PLOD2: variants seen among roughly 807,000 people sequenced by gnomAD.
The protein encoded by PLOD2 is procollagen-lysine,2-oxoglutarate 5-dioxygenase 2.
PLOD2 carries 65 observed loss-of-function variants against 101.0 expected under a neutral mutation model. That is an observed-to-expected ratio of 0.64 (90% CI 0.53 to 0.79). The LOEUF (loss-of-function observed/expected upper bound fraction) is 0.79. PLOD2 is among the 30% of genes least tolerant of loss of function. The pLI is 0.00. For synonymous variants in PLOD2, 314 were observed against 302.9 expected, an observed-to-expected ratio of 1.04 and a Z score of -0.38; for missense variants, 909 against 914.6, an observed-to-expected ratio of 0.99 and a Z score of 0.08.
In PLOD2 at chr3:146,096,889, GGA is replaced by G. The variant is rs1381846394; in HGVS notation, c.778-4990_778-4989del. Among the ~76,000 whole-genome samples, 1,148 of 122,268 alleles carry G rather than the reference GGA, an allele frequency of 9.4e-3. 158 individuals are homozygous for G. Among genetic ancestry groups the G allele is most frequent in the African/African-American group, 0.035 (1,048 of 29,954 alleles). The allele number at this position is 122,268 out of a possible 152,430, so 80.2% of individuals were successfully genotyped here. A position where few individuals can be genotyped will look rare whatever the true frequency, so the allele number is the denominator to read the frequency against. On this transcript the variant is annotated intron_variant, in intron 7 of 19. Transcript: ENST00000282903. ...CCGTCCGGGAGGGAGGTGGGGGGGGGGAGTCGGCCAGCCGCCCCGTCCAGGAG... is the reference window on the plus strand; with the variant it reads ...CCGTCCGGGAGGGAGGTGGGGGGGGGGTCGGCCAGCCGCCCCGTCCAGGAG...
chr3:146,116,295 A>C (rs1937903658), intron 3 of PLOD2, among the ~76,000 whole-genome samples: 1 of 152,030 alleles, frequency 6.6e-6, no homozygotes, highest in Non-Finnish European at 1.5e-5. Context: ...AGTTAAAAAC[A>C]CCCACGTACC....
At chr3:146,076,974 G>T (rs1453790676) in intron 14 of PLOD2, 79 bp from the exon 15 acceptor site, 8 of 1,230,700 alleles carry the variant, frequency 6.5e-6, no homozygotes, top group East Asian at 2.7e-5. Context: ...ATATATAGAA[G>T]ATATTAATTT....
At chr3:146,090,492 A>G (rs1265161268) in intron 8 of PLOD2, among the ~76,000 whole-genome samples, 1 of 151,652 alleles carries the variant, frequency 6.6e-6, no homozygotes, top group Non-Finnish European at 1.5e-5. Context: ...CGAAACAGAT[A>G]AAAAGTATTA....
intron 7 of PLOD2, among the ~76,000 whole-genome samples, chr3:146,097,155 C>A (rs563130875): frequency 6.7e-6 from 1 of 149,456 alleles, no homozygotes; most frequent in Admixed American, 6.6e-5. Context: ...CCCGGCCAGC[C>A]GCCCAGTCCG....
At chr3:146,152,869 AT>A (rs1229833028) in intron 1 of PLOD2, among the ~76,000 whole-genome samples, 1 of 152,152 alleles carries the variant, frequency 6.6e-6, no homozygotes, top group Non-Finnish European at 1.5e-5. Context: ...TGCTTCGGTG[AT>A]TTTCCAGTGT....
At chr3:146,125,071 C>T (rs1404873329) in intron 1 of PLOD2, among the ~76,000 whole-genome samples, 1 of 132,432 alleles carries the variant, frequency 7.6e-6, no homozygotes, top group Non-Finnish European at 1.6e-5. Flanking sequence ...CAACAAATGC[C>T]AAAAGGGCTG....
chr3:146,079,243 A>G lies in PLOD2; in HGVS notation c.1373T>C (p.Val458Ala), dbSNP rs1302398617. The G allele has an allele frequency of 6.2e-7, 1 of 1,605,266 alleles. No homozygotes were observed. Among genetic ancestry groups the G allele is most frequent in the Non-Finnish European group, 8.5e-7 (1 of 1,172,346 alleles). Residue 458 changes from valine (V) to alanine (A), a missense_variant, in exon 13 of 20, where the codon GTC becomes GCC. Transcript: ENST00000282903. ...TAAGTACACATTAGCCATATATGGGACATTCCATACTCCTCTGAAAGTAAA... is the reference window on the plus strand; with the variant it reads ...TAAGTACACATTAGCCATATATGGGGCATTCCATACTCCTCTGAAAGTAAA... ...VQGNRVGVWN[V>A]PYMANVYLIK...
rs1576580411 is a variant in PLOD2, at chr3:146,085,135, T to G, written c.1232+34A>C. On this transcript the variant is annotated intron_variant, in intron 11 of 19. Coordinates refer to ENST00000282903, the MANE Select transcript of PLOD2 (RefSeq NM_182943.3). ...ACATCAATATGAAAAATAATCATTT[T>G]AACAATAAATTGATATCGAATTTTA... The G allele has an allele frequency of 3.1e-6, 3 of 961,106 alleles. No individual in the cohort carries two copies. In the East Asian group the frequency reaches 7.3e-5, roughly 23 times the overall value. 59.5% of individuals were successfully genotyped at this position (961,106 alleles called of 1,614,324 possible).
At chr3:146,074,239 CA>C (rs1262628888) in intron 15 of PLOD2, among the ~76,000 whole-genome samples, 2 of 151,064 alleles carry the variant, frequency 1.3e-5, no homozygotes, top group Non-Finnish European at 3.0e-5. Context: ...TATAAATATC[CA>C]AAAAGATATC....
At chr3:146,140,569 A>G (rs983860762) in intron 1 of PLOD2, among the ~76,000 whole-genome samples, 1 of 152,118 alleles carries the variant, frequency 6.6e-6, no homozygotes, top group Non-Finnish European at 1.5e-5. Context: ...AAACTATACT[A>G]TGTGTGCTTT....
chr3:146,128,532 G>A (rs2030717623), intron 1 of PLOD2, among the ~76,000 whole-genome samples: 1 of 152,096 alleles, frequency 6.6e-6, no homozygotes, highest in Non-Finnish European at 1.5e-5. Context: ...CCTCCAAAAT[G>A]CCTATCACTA....
chr3:146,123,354 A>G, intron 2 of PLOD2: 1 of 853,222 alleles, frequency 1.2e-6, no homozygotes. Context: ...AAGTAAATAA[A>G]ATGGCAGGCC....
At chr3:146,098,614 G>C (rs993499666) in intron 7 of PLOD2, among the ~76,000 whole-genome samples, 1 of 152,020 alleles carries the variant, frequency 6.6e-6, no homozygotes. Flanking sequence ...ACTTAAAATT[G>C]TTAATATTTT....
At chr3:146,073,531 T>C (rs1254164314) in intron 15 of PLOD2, 179 bp from the exon 16 acceptor site, 1 of 317,152 alleles carries the variant, frequency 3.2e-6, no homozygotes, top group Non-Finnish European at 6.0e-6. Context: ...AATATGCTTA[T>C]GTCATTCTAT....
rs1379038307 is a variant in PLOD2, at chr3:146,073,407, A to T, written c.1678-55T>A. The T allele has an allele frequency of 6.1e-6, 4 of 659,142 alleles. No homozygotes were observed. In the East Asian group the frequency reaches 1.1e-4, roughly 19 times the overall value. The allele number at this position is 659,142 out of a possible 1,614,324, so 40.8% of individuals were successfully genotyped here. On this transcript the variant is annotated intron_variant, in intron 15 of 19. Coordinates refer to ENST00000282903, the MANE Select transcript of PLOD2 (RefSeq NM_182943.3). ...TATCTTTATAAATACTTCACTGAAA[A>T]GTATAAAGCATATGCATTTTAGAAA...
chr3:146,145,530 C>A (rs372193584), intron 1 of PLOD2, among the ~76,000 whole-genome samples: 126 of 152,224 alleles, frequency 8.3e-4, no homozygotes, highest in African/African-American at 2.9e-3. Context: ...ATTTGTTCAG[C>A]AGGAGTTTCA....
intron 13 of PLOD2, 113 bp downstream of exon 13, chr3:146,079,003 G>T: frequency 9.7e-7 from 1 of 1,028,752 alleles, no homozygotes; most frequent in Non-Finnish European, 1.5e-6. Flanking sequence ...AAAAAAATTG[G>T]CTAGTACTTA....
chr3:146,091,766 T>C, intron 8 of PLOD2, 34 bp downstream of exon 8: 1 of 1,108,518 alleles, frequency 9.0e-7, no homozygotes. Flanking sequence ...GTACTTTCTA[T>C]TACTACATTT....
chr3:146,094,131 T>C (rs1391217523), intron 7 of PLOD2, among the ~76,000 whole-genome samples: 1 of 152,170 alleles, frequency 6.6e-6, no homozygotes, highest in African/African-American at 2.4e-5. Context: ...TACTAGGTGA[T>C]AGTATTTTCC....
Sources: allele counts gnomAD v4.1 joint callset (sites outside exome capture counted in the v4.1 genomes callset), GRCh38; gene constraint gnomAD v4.1.1; transcripts MANE v1.5; gene names NCBI Gene and HGNC (gene_info 2026-07-23, HGNC 2026-07-21).